GAS2: variants seen among roughly 807,000 people sequenced by gnomAD.
GAS2 encodes the protein growth arrest specific 2.
In GAS2, 20 loss-of-function variants were observed where a neutral mutation model predicts 37.5. The observed-to-expected ratio is 0.53, with a 90% CI of 0.37 to 0.77. GAS2 has a LOEUF of 0.77. Ranked by LOEUF, GAS2 falls within the 30% of genes least tolerant of loss-of-function variation. The pLI is 0.00. For missense variants in GAS2, 336 were observed against 373.4 expected, an observed-to-expected ratio of 0.90 and a Z score of 0.82; for synonymous variants, 144 against 132.2, an observed-to-expected ratio of 1.09 and a Z score of -0.61.
At chr11:22,799,056 G>A (rs1229666921) in intron 7 of GAS2, among the ~76,000 whole-genome samples, 1 of 152,094 alleles carries the variant, frequency 6.6e-6, no homozygotes, top group African/African-American at 2.4e-5. Context: ...ACAGTGAATG[G>A]AGTTGACAGG....
At chr11:22,652,276 G>A (rs183722744) in intron 1 of GAS2, among the ~76,000 whole-genome samples, 3,045 of 152,290 alleles carry the variant, frequency 0.02, 52 homozygotes, top group Non-Finnish European at 0.032. Flanking sequence ...CAGTCTGCCC[G>A]TTCTCAGATC....
At chr11:22,809,528 C>A (rs995993783) in intron 7 of GAS2, among the ~76,000 whole-genome samples, 12 of 151,980 alleles carry the variant, frequency 7.9e-5, no homozygotes, top group Non-Finnish European at 1.5e-4. Context: ...CACTCTGTCA[C>A]CCAGGCTGGA....
intron 7 of GAS2, among the ~76,000 whole-genome samples, chr11:22,802,657 A>G (rs371905264): frequency 6.6e-6 from 1 of 152,186 alleles, no homozygotes; most frequent in East Asian, 1.9e-4. Context: ...CTGCTTTGCA[A>G]CTTATAGTGT....
intron 1 of GAS2, among the ~76,000 whole-genome samples, chr11:22,656,282 T>C (rs907882619): frequency 1.3e-5 from 2 of 152,226 alleles, no homozygotes; most frequent in Non-Finnish European, 2.9e-5. Context: ...CAGCAACATA[T>C]GTCATTAATG....
At chr11:22,811,419 G>T (rs992697790) in intron 7 of GAS2, among the ~76,000 whole-genome samples, 1 of 152,072 alleles carries the variant, frequency 6.6e-6, no homozygotes, top group South Asian at 2.1e-4. Context: ...TGATTCAGAG[G>T]GGAATAACCC....
intron 7 of GAS2, among the ~76,000 whole-genome samples, chr11:22,766,547 C>T (rs1854707859): frequency 2.0e-5 from 3 of 152,084 alleles, no homozygotes; most frequent in African/African-American, 2.4e-5. Context: ...TTGCTTATTC[C>T]TTTGCCTATG....
At chr11:22,797,623 T>G (rs932080845) in intron 7 of GAS2, among the ~76,000 whole-genome samples, 1 of 152,068 alleles carries the variant, frequency 6.6e-6, no homozygotes. Flanking sequence ...TAACCACTAT[T>G]TCTCTATCCA....
chr11:22,633,479 G>T (rs1858773429), intron 1 of GAS2, among the ~76,000 whole-genome samples: 1 of 152,142 alleles, frequency 6.6e-6, no homozygotes, highest in African/African-American at 2.4e-5. Context: ...CCCCAGTGGT[G>T]TACATTAATT....
At chr11:22,654,484 C>T (rs1044270394) in intron 1 of GAS2, among the ~76,000 whole-genome samples, 1 of 151,914 alleles carries the variant, frequency 6.6e-6, no homozygotes, top group Non-Finnish European at 1.5e-5. Flanking sequence ...CAGCCTTGAC[C>T]TCCTTGGCTC....
chr11:22,710,493 GTGTGTGTGTC>G (rs71037521), intron 3 of GAS2, among the ~76,000 whole-genome samples: 4,051 of 144,336 alleles, frequency 0.028, 169 homozygotes, highest in African/African-American at 0.093. Flanking sequence ...ATATATGTGT[GTGTGTGTGTC>G]TGTGTGTGTC....
intron 7 of GAS2, among the ~76,000 whole-genome samples, chr11:22,757,620 G>A (rs910743735): frequency 3.9e-5 from 6 of 152,072 alleles, no homozygotes; most frequent in South Asian, 2.1e-4. Flanking sequence ...GTGTCTTAAC[G>A]AACGTTAATC....
intron 7 of GAS2, among the ~76,000 whole-genome samples, chr11:22,762,616 A>G (rs1006694479): frequency 6.6e-6 from 1 of 152,132 alleles, no homozygotes; most frequent in African/African-American, 2.4e-5. Context: ...TTTTTACACA[A>G]TTTTTACTTT....
intron 1 of GAS2, among the ~76,000 whole-genome samples, chr11:22,645,955 TG>T (rs1167168047): frequency 6.6e-6 from 1 of 151,668 alleles, no homozygotes; most frequent in Non-Finnish European, 1.5e-5. Flanking sequence ...GCCATTCTCC[TG>T]CCTCAGCCTC....
chr11:22,711,476 G>A (rs1851402179), intron 3 of GAS2, among the ~76,000 whole-genome samples: 1 of 152,212 alleles, frequency 6.6e-6, no homozygotes. Flanking sequence ...AAACTTTCCT[G>A]AGCAGAATCA....
rs975265424 is a variant in GAS2 at position 22,812,198 on chromosome 11, C to T, written c.*182C>T. 1 of 534,914 alleles carries T rather than the reference C, an allele frequency of 1.9e-6. No individual in the cohort carries two copies. Among genetic ancestry groups the T allele is most frequent in the Non-Finnish European group, 3.3e-6 (1 of 305,698 alleles). 33.1% of individuals were successfully genotyped at this position (534,914 alleles called of 1,614,324 possible). ...TTTTAATGCTTCTGTAGAATATGAC[C>T]TATTAAAAGAAAATCTAAACTCAAA... is the stretch of plus-strand genomic sequence containing the variant. On this transcript the variant is annotated 3_prime_UTR_variant, in exon 8 of 8. Coordinates refer to ENST00000454584, the MANE Select transcript of GAS2 (RefSeq NM_001143830.3).
At chr11:22,729,863 A>G (rs1157704045) in intron 4 of GAS2, among the ~76,000 whole-genome samples, 2 of 151,850 alleles carry the variant, frequency 1.3e-5, no homozygotes, top group Non-Finnish European at 2.9e-5. Flanking sequence ...GCTGAAGAAA[A>G]TTGGAAATTG....
At chr11:22,697,383 C>T (rs1850584387) in intron 3 of GAS2, among the ~76,000 whole-genome samples, 1 of 152,130 alleles carries the variant, frequency 6.6e-6, no homozygotes, top group Non-Finnish European at 1.5e-5. Flanking sequence ...AGCATGATTC[C>T]TCCAGCTTTG....
chr11:22,697,358 A>G (rs1590657468), intron 3 of GAS2, among the ~76,000 whole-genome samples: 1 of 152,260 alleles, frequency 6.6e-6, no homozygotes, highest in Admixed American at 6.5e-5. Flanking sequence ...CTTGTAGTAT[A>G]ATTTGAAGTC....
At chr11:22,669,394 T>C (rs1379305615) in intron 1 of GAS2, among the ~76,000 whole-genome samples, 1 of 152,182 alleles carries the variant, frequency 6.6e-6, no homozygotes. Flanking sequence ...CTTTAAAACT[T>C]TAAAATATCC....
Sources: gnomAD v4.1 joint callset for allele counts (sites outside exome capture counted in the v4.1 genomes callset) on GRCh38, gnomAD v4.1.1 for gene constraint, MANE v1.5 for transcripts, NCBI Gene and HGNC (gene_info 2026-07-23, HGNC 2026-07-21) for gene names.